RANBP2: variants seen among roughly 807,000 people sequenced by gnomAD.
The protein encoded by RANBP2 is RAN binding protein 2.
A neutral mutation model predicts 303.6 loss-of-function variants in RANBP2; 57 were observed. The observed-to-expected ratio is 0.19, with a 90% CI of 0.15 to 0.23. The LOEUF (loss-of-function observed/expected upper bound fraction) is 0.23, where lower values mean the gene tolerates loss of function less well. Among genes scored for constraint, RANBP2 ranks in the 10% least tolerant of loss-of-function variants. RANBP2 has a pLI of 1.00. For missense variants in RANBP2, 3,138 were observed against 3,780.8 expected (o/e 0.83, Z 4.46); for synonymous variants, 1,167 against 1,301.5 (o/e 0.90, Z 2.23).
At chr2:109,664,051 G>A in the RANBP2 span, among the ~76,000 whole-genome samples, 5 of 152,186 alleles carry the variant, frequency 3.3e-5, no homozygotes, top group African/African-American at 9.6e-5. Context: ...TCCAAAGCCA[G>A]TGGATCACTC....
At chr2:109,059,301 CAA>C in the RANBP2 span, among the ~76,000 whole-genome samples, 514 of 152,264 alleles carry the variant, frequency 3.4e-3, 19 homozygotes, top group East Asian at 0.092. Context: ...TGGGGCTGGG[CAA>C]GGTGGCTCAC....
the RANBP2 span, among the ~76,000 whole-genome samples, chr2:109,715,916 A>C: frequency 2.0e-5 from 3 of 152,188 alleles, no homozygotes; most frequent in African/African-American, 7.2e-5. Flanking sequence ...CATTCTTGCC[A>C]CTTCTATTCA....
chr2:109,312,848 T>G, the RANBP2 span, among the ~76,000 whole-genome samples: 2 of 152,232 alleles, frequency 1.3e-5, no homozygotes, highest in African/African-American at 2.4e-5. Flanking sequence ...TACAAACATT[T>G]GCTTGAACAC....
At chr2:108,744,415 A>T (rs1459701103) in intron 7 of RANBP2, among the ~76,000 whole-genome samples, 7 of 152,324 alleles carry the variant, frequency 4.6e-5, no homozygotes, top group African/African-American at 1.4e-4. Context: ...CAAAAAAAAA[A>T]AAAGGAAATA....
At chr2:108,858,662 A>G in the RANBP2 span, among the ~76,000 whole-genome samples, 2 of 150,564 alleles carry the variant, frequency 1.3e-5, no homozygotes, top group African/African-American at 4.9e-5. Context: ...TTGGAAACCC[A>G]TTTTACCATA....
At chr2:109,688,964 T>C in the RANBP2 span, among the ~76,000 whole-genome samples, 198 of 149,830 alleles carry the variant, frequency 1.3e-3, no homozygotes, top group African/African-American at 4.0e-3. Flanking sequence ...CGGAGTGCAA[T>C]GGCATGATCT....
the RANBP2 span, among the ~76,000 whole-genome samples, chr2:109,486,856 G>A: frequency 2.6e-5 from 4 of 152,204 alleles, no homozygotes; most frequent in African/African-American, 7.2e-5. Flanking sequence ...CACCTTTCTC[G>A]GCAGATCTGT....
At chr2:108,832,446 C>G in the RANBP2 span, among the ~76,000 whole-genome samples, 1 of 148,860 alleles carries the variant, frequency 6.7e-6, no homozygotes, top group Non-Finnish European at 1.5e-5. Flanking sequence ...CTCCCAAGTT[C>G]AAGCGATTCT....
the RANBP2 span, among the ~76,000 whole-genome samples, chr2:109,703,866 G>A: frequency 2.0e-5 from 3 of 152,206 alleles, no homozygotes; most frequent in East Asian, 5.8e-4. Context: ...GCCCAAAAGT[G>A]GAGGTTGTCA....
the RANBP2 span, among the ~76,000 whole-genome samples, chr2:108,921,603 T>C: frequency 1.3e-5 from 2 of 152,204 alleles, no homozygotes; most frequent in Non-Finnish European, 2.9e-5. Flanking sequence ...CCTGTGTGTG[T>C]GGGTCTTAGT....
the RANBP2 span, among the ~76,000 whole-genome samples, chr2:109,188,862 G>C: frequency 3.9e-5 from 6 of 152,138 alleles, no homozygotes; most frequent in Non-Finnish European, 7.3e-5. Flanking sequence ...TTGCCAGGGG[G>C]AACGTGTTCG....
the RANBP2 span, among the ~76,000 whole-genome samples, chr2:109,741,414 G>T: frequency 3.3e-5 from 5 of 151,946 alleles, no homozygotes; most frequent in African/African-American, 1.2e-4. Context: ...TTGGTAAAAA[G>T]CATCTATAAA....
chr2:109,601,767 A>C, the RANBP2 span, among the ~76,000 whole-genome samples: 1 of 115,932 alleles, frequency 8.6e-6, no homozygotes, highest in African/African-American at 3.9e-5. Context: ...CCTGAAGTTA[A>C]AAAAAAAAAA....
the RANBP2 span, among the ~76,000 whole-genome samples, chr2:109,059,566 G>A: frequency 0.063 from 9,398 of 149,448 alleles, 601 homozygotes; most frequent in African/African-American, 0.16. Context: ...ACAGAGCAAG[G>A]CTCCGTCTCA....
chr2:109,086,659 T>G, the RANBP2 span, among the ~76,000 whole-genome samples: 1 of 152,160 alleles, frequency 6.6e-6, no homozygotes, highest in Non-Finnish European at 1.5e-5. Context: ...TTGCATTCCA[T>G]AAGGCCCCTG....
the RANBP2 span, among the ~76,000 whole-genome samples, chr2:109,134,493 T>G: frequency 6.6e-6 from 1 of 152,136 alleles, no homozygotes; most frequent in Non-Finnish European, 1.5e-5. Context: ...AAATTATTAT[T>G]TATTGAGCAC....
At chr2:109,032,291 AT>A in the RANBP2 span, among the ~76,000 whole-genome samples, 15 of 151,678 alleles carry the variant, frequency 9.9e-5, no homozygotes, top group Non-Finnish European at 1.5e-4. Context: ...CTGCATAGCG[AT>A]TTTTTTTGTC....
intron 14 of RANBP2, 75 bp from the exon 15 acceptor site, chr2:108,753,750 G>A: frequency 6.2e-7 from 1 of 1,610,424 alleles, no homozygotes; most frequent in Non-Finnish European, 8.5e-7. Flanking sequence ...ACAGGCATGA[G>A]CCACCATGCG....
the RANBP2 span, among the ~76,000 whole-genome samples, chr2:109,411,872 C>T: frequency 6.6e-6 from 1 of 152,348 alleles, no homozygotes; most frequent in African/African-American, 2.4e-5. Context: ...CACATATTTG[C>T]TTGGAGCTTT....
Sources: gnomAD v4.1 joint callset for allele counts (sites outside exome capture counted in the v4.1 genomes callset) on GRCh38, gnomAD v4.1.1 for gene constraint, MANE v1.5 for transcripts, NCBI Gene and HGNC (gene_info 2026-07-23, HGNC 2026-07-21) for gene names.